PATE3: variants seen among roughly 807,000 people sequenced by gnomAD.
The protein encoded by PATE3 is prostate and testis expressed 3.
PATE3 carries 7 observed loss-of-function variants against 7.4 expected under a neutral mutation model. The ratio of observed to expected loss-of-function variants is 0.95; its 90% CI spans 0.54 to 1.78. The LOEUF is 1.78. PATE3 is among the 40% of genes most tolerant of loss of function. The probability of loss-of-function intolerance (pLI) is 0.00; values close to 1 mark genes in which losing one functional copy is unlikely to be tolerated. For synonymous variants in PATE3, 38 were observed against 40.2 expected (o/e 0.94, Z 0.21); for missense variants, 117 against 122.5 (o/e 0.96, Z 0.21).
chr11:125,789,983 G>A (rs1303301861), intron 2 of PATE3, among the ~76,000 whole-genome samples: 2 of 152,104 alleles, frequency 1.3e-5, no homozygotes, highest in Non-Finnish European at 2.9e-5. Context: ...TCTGTCCTTT[G>A]CAGAAACAGA....
rs1943580057 is a variant in PATE3, at chr11:125,788,162, ACTT to A, written c.15_17del (p.Phe5del). ...GATTTCCGGGTCAGGATGAACAAAC[ACTT>A]CTTGTTCCTCTTCCTCCTTTACTGC... On this transcript the variant is annotated inframe_deletion, in exon 1 of 3. Coordinates refer to ENST00000445202, the MANE Select transcript of PATE3 (RefSeq NM_001129883.4). 6.4e-7 allele frequency: 1 copy of A among 1,551,288 alleles called. No individual in the cohort carries two copies.
rs1002355431 is a variant in PATE3, at chr11:125,790,485, T to C, written c.180T>C (p.Thr60=). 1 of 1,550,300 alleles carries C rather than the reference T, an allele frequency of 6.5e-7. No homozygotes were observed. The highest frequency in any genetic ancestry group is 8.7e-7 in the Non-Finnish European group (1 of 1,146,532). Residue 60 remains threonine, a synonymous_variant, in exon 3 of 3, where the codon ACT becomes ACC. Coordinates refer to ENST00000445202, the MANE Select transcript of PATE3 (RefSeq NM_001129883.4). ...CMLLRIYQRN[T]LQISYMVCQK... is the part of the protein sequence containing the mutation. ...GGTTCTTTCCTATTTTAGGCAATAC[T>C]CTCCAGATATCATACATGGTGTGTC...
intron 2 of PATE3, among the ~76,000 whole-genome samples, chr11:125,789,894 C>G (rs1008501529): frequency 6.6e-6 from 1 of 152,014 alleles, no homozygotes; most frequent in Admixed American, 6.6e-5. Flanking sequence ...TCTCTTCTAG[C>G]TATTTTGAAA....
rs574210951 is a variant in PATE3 at position 125,790,706 on chromosome 11, C to A, written c.*104C>A. ...CCTTCCGTGTCTGTCCTGACAATAC[C>A]CCTGCCCTCGCATTAACCTAAGAAG... On this transcript the variant is annotated 3_prime_UTR_variant, in exon 3 of 3. Transcript: ENST00000445202. 6.1e-5 allele frequency: 74 copies of A among 1,209,698 alleles called. No homozygotes were observed. The highest frequency in any genetic ancestry group is 9.2e-5 in the African/African-American group (6 of 65,486). The allele number at this position is 1,209,698 out of a possible 1,614,324, so 74.9% of individuals were successfully genotyped here. A position where few individuals can be genotyped will look rare whatever the true frequency, so the allele number is the denominator to read the frequency against.
Position 125,790,539 on chromosome 11 carries a change from T to C in PATE3, c.234T>C (p.Asp78=), listed in dbSNP as rs1943601672. 1.3e-6 allele frequency: 2 copies of C among 1,551,032 alleles called. No individual in the cohort carries two copies. The part of the protein sequence containing the change: ...CQKFCRDMTF[D]LRNRTYVHTC... Reference sequence around the variant, plus strand: ...AATTCTGCAGAGACATGACATTTGATCTCAGGAATCGGACTTATGTTCATA... The same window carrying C: ...AATTCTGCAGAGACATGACATTTGACCTCAGGAATCGGACTTATGTTCATA... Residue 78 remains aspartate (D), a synonymous_variant, in exon 3 of 3, where the codon GAT becomes GAC. Transcript: ENST00000445202.
intron 2 of PATE3, 108 bp downstream of exon 2, chr11:125,789,616 C>T (rs981150146): frequency 7.7e-7 from 1 of 1,304,290 alleles, no homozygotes; most frequent in Admixed American, 2.3e-5. Flanking sequence ...TGCCCCTGAG[C>T]ACAGGTGGTA....
Position 125,789,507 on chromosome 11 carries a change from G to A in PATE3, c.171G>A (p.Gln57=). 1 of 1,550,468 alleles carries A rather than the reference G, an allele frequency of 6.4e-7. No individual in the cohort carries two copies. Among genetic ancestry groups the A allele is most frequent in the Non-Finnish European group, 8.7e-7 (1 of 1,146,056 alleles). ...CATGCATGCTCTTAAGGATTTACCA[G>A]CGTAAGTTAGAGGGTCAGGGAAGGT... ...GEACMLLRIY[Q]RNTLQISYMV... is the part of the protein sequence containing the mutation. The change falls in exon 2 of 3, where the codon CAG becomes CAA. Residue 57 remains glutamine (Q), a splice_region_variant and synonymous_variant. Transcript: ENST00000445202.
At chr11:125,790,333 T>A in intron 2 of PATE3, 145 bp from the exon 3 acceptor site, 2 of 720,424 alleles carry the variant, frequency 2.8e-6, no homozygotes, top group Non-Finnish European at 4.3e-6. Context: ...TCTCCCTGCC[T>A]GGGTGCTTTT....
intron 1 of PATE3, among the ~76,000 whole-genome samples, chr11:125,788,544 T>C (rs1943583905): frequency 6.6e-6 from 1 of 152,166 alleles, no homozygotes; most frequent in Non-Finnish European, 1.5e-5. Context: ...AGCTGGTCAG[T>C]CTATAATGAA....
rs939176218 is a variant in PATE3 at position 125,789,435 on chromosome 11, C to A, written c.99C>A (p.Asp33Glu). The A allele has an allele frequency of 4.5e-6, 7 of 1,551,676 alleles. No homozygotes were observed. Among genetic ancestry groups the A allele is most frequent in the Non-Finnish European group, 6.1e-6 (7 of 1,146,932 alleles). ...CITCHLRTRTDRCRRGFGVCT... is the reference protein window; with the variant it reads ...CITCHLRTRTERCRRGFGVCT... ...CATGCCACCTTCGCACACGGACAGACCGCTGTAGAAGAGGCTTTGGTGTCT... is the reference window on the plus strand; with the variant it reads ...CATGCCACCTTCGCACACGGACAGAACGCTGTAGAAGAGGCTTTGGTGTCT... Residue 33 changes from aspartate (D) to glutamate (E), a missense_variant, in exon 2 of 3, where the codon GAC becomes GAA. Transcript: ENST00000445202.
intron 1 of PATE3, among the ~76,000 whole-genome samples, chr11:125,789,046 C>CT (rs1267645327): frequency 2.0e-5 from 3 of 152,116 alleles, no homozygotes; most frequent in Non-Finnish European, 4.4e-5. Context: ...CCTCACCCTC[C>CT]TTATCACACC....
In PATE3 at chr11:125,788,157, C is replaced by T. The variant is rs1943579992; in HGVS notation, c.6C>T (p.Asn2=). ...CAAGGGATTTCCGGGTCAGGATGAACAAACACTTCTTGTTCCTCTTCCTCC... is the reference window on the plus strand; with the variant it reads ...CAAGGGATTTCCGGGTCAGGATGAATAAACACTTCTTGTTCCTCTTCCTCC... M[N]KHFLFLFLLY... is the part of the protein sequence containing the mutation. The change falls in exon 1 of 3, where the codon AAC becomes AAT. Residue 2 remains asparagine, a synonymous_variant. Transcript: ENST00000445202. The T allele has an allele frequency of 1.3e-6, 2 of 1,551,404 alleles. No individual in the cohort carries two copies. The highest frequency in any genetic ancestry group is 1.7e-6 in the Non-Finnish European group (2 of 1,146,798).
At position 125,789,402 on chromosome 11, in the gene PATE3, G is replaced by A. The variant is rs1943591079; in HGVS notation, c.66G>A (p.Gln22=). Residue 22 remains glutamine, a synonymous_variant, in exon 2 of 3, where the codon CAG becomes CAA. Coordinates refer to ENST00000445202, the MANE Select transcript of PATE3 (RefSeq NM_001129883.4). The part of the protein sequence containing the change: ...YCLIVAVTSL[Q]CITCHLRTRT... ...TCTCTCCAGCAGTGACATCACTTCA[G>A]TGCATAACATGCCACCTTCGCACAC... 5 of 1,551,368 alleles carry A rather than the reference G, an allele frequency of 3.2e-6. No homozygotes were observed. The African/African-American group carries it at 5.5e-5, about 17-fold the overall frequency.
chr11:125,790,426 C>A, intron 2 of PATE3, 52 bp from the exon 3 acceptor site: 1 of 1,518,696 alleles, frequency 6.6e-7, no homozygotes, highest in Non-Finnish European at 8.8e-7. Flanking sequence ...TTTGACTCAC[C>A]TTGGAGAGCT....
chr11:125,789,160 G>A (rs754646910), intron 1 of PATE3, among the ~76,000 whole-genome samples: 41 of 152,106 alleles, frequency 2.7e-4, no homozygotes, highest in Non-Finnish European at 4.7e-4. Context: ...CAGGTTAAAA[G>A]GGCTGAAGGT....
Position 125,789,386 on chromosome 11 carries a change from C to A in PATE3, c.50C>A (p.Ala17Glu), listed in dbSNP as rs186588880. 1 of 1,551,134 alleles carries A rather than the reference C, an allele frequency of 6.4e-7. No individual in the cohort carries two copies. The highest frequency in any genetic ancestry group is 8.7e-7 in the Non-Finnish European group (1 of 1,146,528). ...CACACCATCTCTATGCTCTCTCCAG[C>A]AGTGACATCACTTCAGTGCATAACA... is the stretch of plus-strand genomic sequence containing the variant. Reference protein sequence around the residue: ...FLFLLYCLIVAVTSLQCITCH... With the variant: ...FLFLLYCLIVEVTSLQCITCH... Residue 17 changes from alanine (A) to glutamate (E), a missense_variant and splice_region_variant, in exon 2 of 3, where the codon GCA becomes GAA. Transcript: ENST00000445202.
At chr11:125,788,267 T>A in intron 1 of PATE3, 67 bp downstream of exon 1, 1 of 1,428,226 alleles carries the variant, frequency 7.0e-7, no homozygotes. Flanking sequence ...AAACTACATG[T>A]GTAGCATGCA....
Position 125,789,509 on chromosome 11 carries a change from G to A in PATE3, c.172+1G>A, listed in dbSNP as rs745595199. ...TGCATGCTCTTAAGGATTTACCAGCGTAAGTTAGAGGGTCAGGGAAGGTGT... is the reference window on the plus strand; with the variant it reads ...TGCATGCTCTTAAGGATTTACCAGCATAAGTTAGAGGGTCAGGGAAGGTGT... On this transcript the variant is annotated splice_donor_variant, in intron 2 of 2. Transcript: ENST00000445202. LOFTEE classifies it high-confidence loss of function. 3.7e-5 allele frequency: 58 copies of A among 1,550,300 alleles called. No homozygotes were observed. In the East Asian group the frequency reaches 6.6e-4, roughly 18 times the overall value.
rs1322221944 is a variant in PATE3, at chr11:125,791,311, CA to C, written c.*710del. On this transcript the variant is annotated 3_prime_UTR_variant, in exon 3 of 3. Transcript: ENST00000445202. ...CTTCTCTCTTCCTTTCCCCCTTTGC[CA>C]TTCACCTTTACTATCACCTCCCACC... The C allele has an allele frequency of 6.6e-6, 1 of 152,228 alleles. No individual in the cohort carries two copies. The highest frequency in any genetic ancestry group is 1.5e-5 in the Non-Finnish European group (1 of 68,114). 9.4% of individuals were successfully genotyped at this position (152,228 alleles called of 1,614,324 possible). A position where few individuals can be genotyped will look rare whatever the true frequency, so the allele number is the denominator to read the frequency against.
Sources: allele counts gnomAD v4.1 joint callset (sites outside exome capture counted in the v4.1 genomes callset), GRCh38; gene constraint gnomAD v4.1.1; transcripts MANE v1.5; gene names NCBI Gene and HGNC (gene_info 2026-07-23, HGNC 2026-07-21).